Variants in DNAH9 observed in about 807,000 individuals in gnomAD.
DNAH9 encodes dynein axonemal heavy chain 9, also known as DNAH9 variant protein.
Under a neutral mutation model 471.6 loss-of-function variants are expected in DNAH9, and 345 were observed. That is an observed-to-expected ratio of 0.73 (90% CI 0.67 to 0.80). DNAH9 has a LOEUF of 0.80. Among genes scored for constraint, DNAH9 ranks in the 30% least tolerant of loss-of-function variants. The pLI, the probability that DNAH9 is intolerant of heterozygous loss-of-function variation, is 0.00. For missense variants in DNAH9, 5,407 were observed against 5,609.2 expected, an observed-to-expected ratio of 0.96 and a Z score of 1.15; for synonymous variants, 2,093 against 2,123.6, an observed-to-expected ratio of 0.99 and a Z score of 0.40.
At chr17:11,785,462 A>G (rs569666475) in intron 41 of DNAH9, among the ~76,000 whole-genome samples, 1 of 152,218 alleles carries the variant, frequency 6.6e-6, no homozygotes, top group Admixed American at 6.5e-5. Context: ...GAGCCAAACC[A>G]TCAAAGCTCC....
intron 49 of DNAH9, among the ~76,000 whole-genome samples, chr17:11,839,502 C>T (rs939649480): frequency 1.3e-5 from 2 of 149,522 alleles, no homozygotes; most frequent in Non-Finnish European, 3.0e-5. Context: ...GGCAACAGAG[C>T]GAGACTCTGT....
chr17:11,729,912 C>T (rs1475439396), intron 28 of DNAH9, among the ~76,000 whole-genome samples: 1 of 152,214 alleles, frequency 6.6e-6, no homozygotes, highest in Non-Finnish European at 1.5e-5. Context: ...CAAATCCATG[C>T]CACCTTCATC....
intron 17 of DNAH9, among the ~76,000 whole-genome samples, chr17:11,673,604 T>G (rs928914556): frequency 7.0e-5 from 10 of 143,282 alleles, no homozygotes; most frequent in Non-Finnish European, 1.2e-4. Context: ...TATATTTGTT[T>G]TTTTTTTTTT....
At chr17:11,943,279 A>G (rs1343343968) in intron 67 of DNAH9, among the ~76,000 whole-genome samples, 1 of 152,214 alleles carries the variant, frequency 6.6e-6, no homozygotes, top group Non-Finnish European at 1.5e-5. Flanking sequence ...TGGTGCCTTC[A>G]TCATGTCTGT....
intron 53 of DNAH9, among the ~76,000 whole-genome samples, chr17:11,876,711 T>TTTTGTTTG (rs911324571): frequency 6.6e-6 from 1 of 151,930 alleles, no homozygotes; most frequent in Non-Finnish European, 1.5e-5. Flanking sequence ...GTTTTGTTTT[T>TTTTGTTTG]TTTGTTTGTT....
At position 11,871,811 on chromosome 17, in the gene DNAH9, G is replaced by A. The variant is rs761476514; in HGVS notation, c.10242+25G>A. On this transcript the variant is annotated intron_variant, in intron 52 of 68. Coordinates refer to ENST00000262442, the MANE Select transcript of DNAH9 (RefSeq NM_001372.4). ...AGTACGTATGGCCTGAATTTCTCCC[G>A]ACCACATCAGCCTCTGGGCACCAAT... 117 of 1,609,612 alleles carry A rather than the reference G, an allele frequency of 7.3e-5. No individual in the cohort carries two copies. The East Asian group carries it at 2.2e-3, about 31-fold the overall frequency.
At chr17:11,686,474 C>T (rs927919805) in intron 19 of DNAH9, among the ~76,000 whole-genome samples, 3 of 152,146 alleles carry the variant, frequency 2.0e-5, no homozygotes, top group African/African-American at 7.2e-5. Flanking sequence ...TAGAGGATGG[C>T]TTCCAGCTTT....
At chr17:11,926,199 A>C (rs76211735) in intron 62 of DNAH9, among the ~76,000 whole-genome samples, 1 of 152,180 alleles carries the variant, frequency 6.6e-6, no homozygotes, top group African/African-American at 2.4e-5. Context: ...TAGAAATCTT[A>C]TTCCATCCAG....
chr17:11,911,452 A>G (rs1204742665), intron 61 of DNAH9, among the ~76,000 whole-genome samples: 2 of 152,208 alleles, frequency 1.3e-5, no homozygotes, highest in Non-Finnish European at 2.9e-5. Flanking sequence ...TTTTGAAATC[A>G]GGAAGTATGA....
At chr17:11,735,626 G>A (rs1349366453) in intron 28 of DNAH9, among the ~76,000 whole-genome samples, 3 of 152,044 alleles carry the variant, frequency 2.0e-5, no homozygotes, top group Non-Finnish European at 2.9e-5. Flanking sequence ...TAGTGGAGAC[G>A]GGATTTCACT....
rs754381795 is a variant in DNAH9 at position 11,942,474 on chromosome 17, C to T, written c.12832C>T (p.Leu4278Phe). The change falls in exon 67 of 69, where the codon CTC becomes TTC. Residue 4278 changes from leucine to phenylalanine, a missense_variant. Physicochemically the swap from Leu to Phe is conservative, Grantham distance 22. Coordinates refer to ENST00000262442, the MANE Select transcript of DNAH9 (RefSeq NM_001372.4). ...EIQRSLRELE[L>F]GLKGELTMTS... ...TCAGCGCTCACTGAGGGAGCTGGAG[C>T]TCGGCTTAAAGGTGAGCGCGGTCTT... The T allele has an allele frequency of 5.6e-6, 9 of 1,613,806 alleles. No homozygotes were observed. In the South Asian group the frequency reaches 9.9e-5, roughly 18 times the overall value.
chr17:11,883,014 T>C, intron 55 of DNAH9: 13 of 985,714 alleles, frequency 1.3e-5, no homozygotes, highest in Non-Finnish European at 1.6e-5. Flanking sequence ...TACAGCTGCC[T>C]GAAGTTAGTG....
chr17:11,608,098 T>G, intron 1 of DNAH9, 31 bp from the exon 2 acceptor site: 1 of 1,517,286 alleles, frequency 6.6e-7, no homozygotes, highest in Non-Finnish European at 8.9e-7. Context: ...TTGGAACACC[T>G]GCCTTTCTTT....
chr17:11,727,540 T>G (rs1481538320), intron 27 of DNAH9, among the ~76,000 whole-genome samples: 1 of 152,192 alleles, frequency 6.6e-6, no homozygotes, highest in Non-Finnish European at 1.5e-5. Flanking sequence ...TTCCTGGGAT[T>G]TTGAAAGCTA....
At position 11,752,830 on chromosome 17, in the gene DNAH9, T is replaced by C; in HGVS notation, c.6611-3T>C. On this transcript the variant is annotated splice_polypyrimidine_tract_variant and splice_region_variant and intron_variant, in intron 32 of 68. Coordinates refer to ENST00000262442, the MANE Select transcript of DNAH9 (RefSeq NM_001372.4). Reference sequence around the variant, plus strand: ...AAAATAAGGTGTCAGTGGTTCCTTTTAGGATTGTTCTCTTCCATCATGCGG... The same window carrying C: ...AAAATAAGGTGTCAGTGGTTCCTTTCAGGATTGTTCTCTTCCATCATGCGG... 6.4e-7 allele frequency: 1 copy of C among 1,571,316 alleles called. No homozygotes were observed. Among genetic ancestry groups the C allele is most frequent in the Non-Finnish European group, 8.6e-7 (1 of 1,162,130 alleles).
At chr17:11,920,893 C>A (rs935002611) in intron 61 of DNAH9, among the ~76,000 whole-genome samples, 3 of 152,132 alleles carry the variant, frequency 2.0e-5, no homozygotes, top group Admixed American at 2.0e-4. Flanking sequence ...GTAATCCCAG[C>A]ACTTTGGGAG....
intron 19 of DNAH9, among the ~76,000 whole-genome samples, chr17:11,688,357 G>T (rs2074275526): frequency 6.6e-6 from 1 of 152,200 alleles, no homozygotes; most frequent in Non-Finnish European, 1.5e-5. Context: ...GCAGAAGGGA[G>T]TGGCCCAGGG....
At chr17:11,839,516 A>T (rs985011439) in intron 49 of DNAH9, among the ~76,000 whole-genome samples, 1 of 138,800 alleles carries the variant, frequency 7.2e-6, no homozygotes, top group Non-Finnish European at 1.5e-5. Context: ...ACTCTGTCTC[A>T]AAAAAAAAAA....
intron 14 of DNAH9, among the ~76,000 whole-genome samples, chr17:11,662,265 G>C (rs1170914828): frequency 3.3e-5 from 5 of 152,020 alleles, no homozygotes; most frequent in Non-Finnish European, 7.4e-5. Context: ...TTTCAGCACA[G>C]TGATAATATT....
Sources: gnomAD v4.1 joint callset for allele counts (sites outside exome capture counted in the v4.1 genomes callset) on GRCh38, gnomAD v4.1.1 for gene constraint, MANE v1.5 for transcripts, NCBI Gene and HGNC (gene_info 2026-07-23, HGNC 2026-07-21) for gene names.